The following RABGEF1 variants were observed in gnomAD, a reference collection of about 807,000 sequenced individuals.
RABGEF1 encodes RAB guanine nucleotide exchange factor 1.
Under a neutral mutation model 57.3 loss-of-function variants are expected in RABGEF1, and 26 were observed. The observed-to-expected ratio is 0.45, with a 90% CI of 0.33 to 0.63. RABGEF1 has a LOEUF of 0.63. Ranked by LOEUF, RABGEF1 falls within the 20% of genes least tolerant of loss-of-function variation. RABGEF1 has a pLI of 0.02. For synonymous variants in RABGEF1, 185 were observed against 210.7 expected, an observed-to-expected ratio of 0.88 and a Z score of 1.06; for missense variants, 464 against 607.6, an observed-to-expected ratio of 0.76 and a Z score of 2.48.
chr7:66,728,951 CTTT>C (rs1208215962), intron 2 of RABGEF1, among the ~76,000 whole-genome samples: 6 of 136,268 alleles, frequency 4.4e-5, no homozygotes, highest in Non-Finnish European at 3.2e-5. Flanking sequence ...TTCACCTCCA[CTTT>C]TTTTTTTTTT....
At chr7:66,788,343 G>T (rs1811726130) in intron 4 of RABGEF1, among the ~76,000 whole-genome samples, 1 of 152,006 alleles carries the variant, frequency 6.6e-6, no homozygotes, top group East Asian at 1.9e-4. Flanking sequence ...TACTCGGGAG[G>T]CTGAGGGAGA....
chr7:66,659,196 T>A, the RABGEF1 span, among the ~76,000 whole-genome samples: 1 of 152,018 alleles, frequency 6.6e-6, no homozygotes, highest in African/African-American at 2.4e-5. Flanking sequence ...CTCACGCCTG[T>A]AATCCCAGCA....
At chr7:66,669,060 G>C in the RABGEF1 span, 3 of 152,304 alleles carry the variant, frequency 2.0e-5, no homozygotes, top group Non-Finnish European at 4.4e-5. Context: ...ACCCGGGAGG[G>C]CATGACTTCT....
intron 1 of RABGEF1, among the ~76,000 whole-genome samples, chr7:66,705,229 C>T (rs558771111): frequency 3.9e-4 from 60 of 152,084 alleles, no homozygotes; most frequent in Middle Eastern, 3.4e-3. Context: ...GGTAAAACCC[C>T]GTCTGTACTA....
intron 1 of RABGEF1, among the ~76,000 whole-genome samples, chr7:66,763,244 G>A (rs980644941): frequency 3.3e-5 from 5 of 152,112 alleles, no homozygotes; most frequent in African/African-American, 9.7e-5. Flanking sequence ...GAGGACCTCA[G>A]GAGGTCAGAA....
intron 4 of RABGEF1, among the ~76,000 whole-genome samples, chr7:66,790,409 C>T (rs1812356922): frequency 6.6e-6 from 1 of 152,106 alleles, no homozygotes; most frequent in Non-Finnish European, 1.5e-5. Context: ...GCATATCTCA[C>T]ACATGAAAAC....
intron 1 of RABGEF1, among the ~76,000 whole-genome samples, chr7:66,700,134 G>C (rs796453879): frequency 2.3e-4 from 35 of 152,320 alleles, no homozygotes; most frequent in African/African-American, 8.2e-4. Context: ...TGAAGGGAGG[G>C]ACGGAGGCCC....
chr7:66,728,985 C>T (rs1796974599), intron 2 of RABGEF1, among the ~76,000 whole-genome samples: 2 of 148,032 alleles, frequency 1.4e-5, no homozygotes, highest in African/African-American at 2.5e-5. Flanking sequence ...GAGTCTTGCT[C>T]TGTCACCCAG....
At chr7:66,766,835 G>C (rs1387021497) in intron 1 of RABGEF1, among the ~76,000 whole-genome samples, 1 of 151,666 alleles carries the variant, frequency 6.6e-6, no homozygotes, top group African/African-American at 2.4e-5. Context: ...AGCGATTCTT[G>C]TGCCTCAGCC....
chr7:66,797,320 AAG>A (rs1294779133), intron 5 of RABGEF1, 52 bp from the exon 6 acceptor site: 46,628 of 1,112,248 alleles, frequency 0.042, 386 homozygotes, highest in East Asian at 0.045. Context: ...AAAAAAAAAA[AAG>A]AGAGAGAAAA....
At chr7:66,760,110 G>A (rs769813729) in intron 1 of RABGEF1, among the ~76,000 whole-genome samples, 11 of 152,198 alleles carry the variant, frequency 7.2e-5, no homozygotes, top group African/African-American at 2.7e-4. Context: ...AAGCAGGCCC[G>A]TCTGAGAATG....
upstream of RABGEF1, among the ~76,000 whole-genome samples, chr7:66,679,866 CA>C (rs1412224182): frequency 6.6e-6 from 1 of 151,836 alleles, no homozygotes; most frequent in Non-Finnish European, 1.5e-5. Context: ...CTTGTCTCTA[CA>C]AAAAAAACTA....
In RABGEF1 at chr7:66,745,630, A is replaced by G. The variant is rs111529645; in HGVS notation, c.-18+4838A>G. On this transcript the variant is annotated intron_variant, in intron 1 of 8. Transcript: ENST00000284957. ...TAAAATGCAAAAAACTTAGCCAGGC[A>G]TGGTGATGTGCGCCTGTGATCTCAG... 1.7e-3 allele frequency among the ~76,000 whole-genome samples: 256 copies of G among 152,188 alleles called. 1 individual carries two copies. Among genetic ancestry groups the G allele is most frequent in the African/African-American group, 6.0e-3 (249 of 41,516 alleles).
chr7:66,793,791 A>AC (rs1317630093), intron 4 of RABGEF1, among the ~76,000 whole-genome samples: 3 of 152,122 alleles, frequency 2.0e-5, no homozygotes, highest in African/African-American at 7.2e-5. Context: ...ACTGCTCCTG[A>AC]CCCCAAGTGT....
chr7:66,800,920 G>T (rs1787144675), intron 7 of RABGEF1, among the ~76,000 whole-genome samples: 1 of 152,216 alleles, frequency 6.6e-6, no homozygotes, highest in South Asian at 2.1e-4. Flanking sequence ...TGTGTTCCAT[G>T]AATAGTGGGA....
intron 2 of RABGEF1, among the ~76,000 whole-genome samples, chr7:66,731,924 C>G (rs575119193): frequency 2.7e-4 from 41 of 152,298 alleles, no homozygotes; most frequent in South Asian, 2.1e-3. Flanking sequence ...GAGATGTGCA[C>G]AGAAGCCCCC....
chr7:66,764,636 A>AT (rs1394387995), intron 1 of RABGEF1, among the ~76,000 whole-genome samples: 1 of 152,216 alleles, frequency 6.6e-6, no homozygotes, highest in Non-Finnish European at 1.5e-5. Context: ...TGTACGTGGT[A>AT]TGAAGTAAGC....
intron 3 of RABGEF1, among the ~76,000 whole-genome samples, chr7:66,782,407 T>A (rs1428153420): frequency 6.6e-6 from 1 of 152,094 alleles, no homozygotes; most frequent in Non-Finnish European, 1.5e-5. Context: ...TAAACACATA[T>A]ATTCTTATCC....
At chr7:66,796,195 C>T (rs1427599162) in intron 5 of RABGEF1, among the ~76,000 whole-genome samples, 1 of 151,936 alleles carries the variant, frequency 6.6e-6, no homozygotes, top group Non-Finnish European at 1.5e-5. Flanking sequence ...ATGAATTTTC[C>T]ATCTTGGAAT....
Sources: gnomAD v4.1 joint callset for allele counts (sites outside exome capture counted in the v4.1 genomes callset) on GRCh38, gnomAD v4.1.1 for gene constraint, MANE v1.5 for transcripts, NCBI Gene and HGNC (gene_info 2026-07-23, HGNC 2026-07-21) for gene names.